The following TG variants were observed in gnomAD, a reference collection of about 807,000 sequenced individuals.
TG encodes thyroid hormones.
In TG, 270 loss-of-function variants were observed where a neutral mutation model predicts 324.7. The ratio of observed to expected loss-of-function variants is 0.83; its 90% confidence interval spans 0.75 to 0.92. The LOEUF (loss-of-function observed/expected upper bound fraction) is 0.92, where lower values mean the gene tolerates loss of function less well. Ranked by LOEUF, TG falls within the 40% of genes least tolerant of loss-of-function variation. The pLI is 0.00. For missense variants in TG, 3,591 were observed against 3,456.4 expected (o/e 1.04, Z -0.98); for synonymous variants, 1,401 against 1,327.0 (o/e 1.06, Z -1.21).
At chr8:133,078,955 G>T (rs1845319115) in intron 41 of TG, among the ~76,000 whole-genome samples, 1 of 152,168 alleles carries the variant, frequency 6.6e-6, no homozygotes, top group African/African-American at 2.4e-5. Flanking sequence ...GGTAGGGAGG[G>T]GGCCAGTAGA....
At chr8:132,890,485 T>TA (rs1489344200) in intron 10 of TG, among the ~76,000 whole-genome samples, 3 of 152,174 alleles carry the variant, frequency 2.0e-5, no homozygotes, top group Non-Finnish European at 4.4e-5. Context: ...AGACCCCACC[T>TA]ATTGAATCAA....
intron 39 of TG, 102 bp from the exon 40 acceptor site, chr8:133,021,889 A>C: frequency 7.6e-6 from 11 of 1,438,764 alleles, no homozygotes; most frequent in Non-Finnish European, 1.1e-5. Context: ...AGTATGCCAC[A>C]GAGCTGGCCA....
At position 133,061,756 on chromosome 8, in the gene TG, C is replaced by T. The variant is rs578251550; in HGVS notation, c.7239+31733C>T. Among the ~76,000 whole-genome samples the T allele has an allele frequency of 3.9e-5, 6 of 152,250 alleles. No homozygotes were observed. The South Asian group carries it at 1.0e-3, about 26-fold the overall frequency. ...GCACAAAAGTCAGCCCATCCAACTC[C>T]CACCCTGGCCTTGAGTCCTGTCTCC... On this transcript the variant is annotated intron_variant, in intron 41 of 47. Transcript: ENST00000220616.
chr8:133,050,734 C>G (rs1300598080), intron 41 of TG: 4 of 908,286 alleles, frequency 4.4e-6, no homozygotes, highest in Non-Finnish European at 7.3e-6. Flanking sequence ...CTAGACCACT[C>G]TAGCTAACAA....
chr8:133,044,955 A>G, intron 41 of TG: 1 of 1,612,962 alleles, frequency 6.2e-7, no homozygotes, highest in Non-Finnish European at 8.5e-7. Flanking sequence ...TCCCACCATC[A>G]CAATCACTCC....
chr8:132,961,010 C>T lies in TG; in HGVS notation c.5404C>T (p.Leu1802=), dbSNP rs777433572. The change falls in exon 28 of 48, where the codon CTG becomes TTG. Residue 1802 remains leucine, a splice_region_variant and synonymous_variant. Transcript: ENST00000220616. ...RLGDQEFIKS[L]TPLEGTQDTF... is the part of the protein sequence containing the mutation. The stretch of plus-strand genomic sequence containing the variant: ...AAAATAAACATCTTCCTTTGCAGGT[C>T]TGACACCCTTAGAAGGAACTCAAGA... The T allele has an allele frequency of 6.2e-7, 1 of 1,613,904 alleles. No homozygotes were observed. Among genetic ancestry groups the T allele is most frequent in the African/African-American group, 1.3e-5 (1 of 74,910 alleles).
At chr8:132,998,912 C>T (rs1004180969) in intron 35 of TG, among the ~76,000 whole-genome samples, 1 of 152,090 alleles carries the variant, frequency 6.6e-6, no homozygotes, top group African/African-American at 2.4e-5. Flanking sequence ...GATGATGAAA[C>T]CACTCAAGAT....
chr8:133,083,029 T>A (rs1845992380), intron 41 of TG, among the ~76,000 whole-genome samples: 2 of 152,252 alleles, frequency 1.3e-5, no homozygotes, highest in South Asian at 4.1e-4. Flanking sequence ...GGGGCAGACA[T>A]GGAGGGAGAG....
At chr8:132,976,944 T>G (rs1282213937) in intron 34 of TG, among the ~76,000 whole-genome samples, 2 of 152,240 alleles carry the variant, frequency 1.3e-5, no homozygotes, top group African/African-American at 4.8e-5. Context: ...GTAACCTTAC[T>G]TAAGGAGACT....
At chr8:132,925,516 CGTGTGTGTGTGTGTGTGTGT>C (rs139966752) in intron 22 of TG, among the ~76,000 whole-genome samples, 2 of 144,732 alleles carry the variant, frequency 1.4e-5, no homozygotes, top group South Asian at 4.5e-4. Context: ...CTAAGGAGTG[CGTGTGTGTGTGTGTGTGTGT>C]GTGTGTGTGT....
At chr8:132,883,071 C>T (rs1814896127) in intron 8 of TG, 72 bp downstream of exon 8, 1 of 1,520,080 alleles carries the variant, frequency 6.6e-7, no homozygotes, top group Non-Finnish European at 8.9e-7. Context: ...AGACCAACCT[C>T]TCTGGACCCC....
intron 45 of TG, among the ~76,000 whole-genome samples, chr8:133,124,329 C>A (rs1325992991): frequency 1.3e-5 from 2 of 152,154 alleles, no homozygotes; most frequent in Non-Finnish European, 2.9e-5. Flanking sequence ...TTCAACAAGA[C>A]CACATTTAAC....
chr8:132,903,776 C>T (rs1045219643), intron 16 of TG, among the ~76,000 whole-genome samples: 2 of 152,152 alleles, frequency 1.3e-5, no homozygotes, highest in East Asian at 1.9e-4. Context: ...ATGGCAGCTC[C>T]ACCACTCACT....
Position 132,893,567 on chromosome 8 carries a change from G to T in TG, c.2762-123G>T, listed in dbSNP as rs1324943527. The T allele has an allele frequency of 5.3e-6, 7 of 1,310,718 alleles. No individual in the cohort carries two copies. In the African/African-American group the frequency reaches 6.0e-5, roughly 11 times the overall value. The allele number at this position is 1,310,718 out of a possible 1,614,324, so 81.2% of individuals were successfully genotyped here. On this transcript the variant is annotated intron_variant, in intron 10 of 47. Transcript: ENST00000220616. ...GTAGGGGGGTGGTGTGTATGTGTGT[G>T]GTGTGTGTGTGTGGTGTGTGTGTGG...
chr8:132,917,889 A>ATTTTTTTTTTTTT (rs71299038), intron 20 of TG, among the ~76,000 whole-genome samples: 33 of 138,798 alleles, frequency 2.4e-4, no homozygotes, highest in Middle Eastern at 3.9e-3. Context: ...GGTTTTTGCA[A>ATTTTTTTTTTTTT]TTTTTTTTTT....
At chr8:132,894,747 C>T (rs979429249) in intron 11 of TG, among the ~76,000 whole-genome samples, 1 of 152,244 alleles carries the variant, frequency 6.6e-6, no homozygotes, top group African/African-American at 2.4e-5. Context: ...AGGCATGAGT[C>T]ACAGCCCTTA....
intron 2 of TG, among the ~76,000 whole-genome samples, chr8:132,869,195 C>A (rs924172761): frequency 1.3e-5 from 2 of 152,200 alleles, no homozygotes; most frequent in Non-Finnish European, 2.9e-5. Context: ...ATGCTGTTCC[C>A]TTTACCTGGA....
intron 16 of TG, among the ~76,000 whole-genome samples, chr8:132,906,199 G>A (rs1818653346): frequency 6.6e-6 from 1 of 152,182 alleles, no homozygotes; most frequent in African/African-American, 2.4e-5. Flanking sequence ...GGGACGAAGA[G>A]ACATGGAGCA....
At chr8:132,968,153 T>C (rs1404719665) in intron 31 of TG, among the ~76,000 whole-genome samples, 183 bp downstream of exon 31, 1 of 152,216 alleles carries the variant, frequency 6.6e-6, no homozygotes, top group African/African-American at 2.4e-5. Context: ...ACTACGTAAT[T>C]GTCTCAGTTT....
Sources: gnomAD v4.1 joint callset for allele counts (sites outside exome capture counted in the v4.1 genomes callset) on GRCh38, gnomAD v4.1.1 for gene constraint, MANE v1.5 for transcripts, NCBI Gene and HGNC (gene_info 2026-07-23, HGNC 2026-07-21) for gene names.